GDPD4: variants seen among roughly 807,000 people sequenced by gnomAD.
GDPD4 encodes the protein glycerophosphodiester phosphodiesterase 6.
A neutral mutation model predicts 67.8 loss-of-function variants in GDPD4; 60 were observed. That is an observed-to-expected ratio of 0.88 (90% CI 0.72 to 1.10). The LOEUF (loss-of-function observed/expected upper bound fraction) is 1.10. Ranked by LOEUF, GDPD4 falls within the 50% of genes least tolerant of loss-of-function variation. The pLI is 0.00. For missense variants in GDPD4, 623 were observed against 613.9 expected (o/e 1.01, Z -0.16); for synonymous variants, 212 against 210.9 (o/e 1.00, Z -0.04).
At chr11:77,217,343 C>T in intron 16 of GDPD4, 29 bp from the exon 17 acceptor site, 2 of 1,556,412 alleles carry the variant, frequency 1.3e-6, no homozygotes, top group Non-Finnish European at 1.8e-6. Context: ...ACAGATTCCT[C>T]AAATGTCACT....
At chr11:77,281,619 T>C (rs1793476) in intron 3 of GDPD4, among the ~76,000 whole-genome samples, 97,627 of 152,048 alleles carry the variant, frequency 0.64, 31,512 homozygotes, top group African/African-American at 0.69. Flanking sequence ...GTAATTTTTC[T>C]CTAGAAGGAT....
chr11:77,236,933 G>C (rs1288991003), intron 13 of GDPD4, among the ~76,000 whole-genome samples: 8 of 152,134 alleles, frequency 5.3e-5, no homozygotes, highest in Non-Finnish European at 1.5e-5. Context: ...AGGATAACCT[G>C]ATCTTTTGTA....
intron 7 of GDPD4, chr11:77,270,864 T>C: frequency 2.5e-6 from 1 of 405,608 alleles, no homozygotes; most frequent in Non-Finnish European, 4.4e-6. Context: ...CAATGTATAA[T>C]AATGTAGAGA....
chr11:77,241,610 C>G (rs1482704903), intron 13 of GDPD4, among the ~76,000 whole-genome samples: 2 of 133,830 alleles, frequency 1.5e-5, no homozygotes, highest in Non-Finnish European at 3.1e-5. Context: ...TGCCTTTCAG[C>G]CTGGGTGACA....
At chr11:77,226,331 G>A (rs1958337244) in intron 16 of GDPD4, among the ~76,000 whole-genome samples, 1 of 152,036 alleles carries the variant, frequency 6.6e-6, no homozygotes, top group African/African-American at 2.4e-5. Context: ...TTGGAGACAG[G>A]GCACTTCAGG....
chr11:77,292,396 T>C (rs1341395022), intron 1 of GDPD4, among the ~76,000 whole-genome samples: 2 of 152,052 alleles, frequency 1.3e-5, no homozygotes, highest in African/African-American at 4.8e-5. Flanking sequence ...ATTAAAACCT[T>C]TTGAACTGAA....
At chr11:77,254,128 G>A (rs1958958518) in intron 11 of GDPD4, among the ~76,000 whole-genome samples, 1 of 152,230 alleles carries the variant, frequency 6.6e-6, no homozygotes, top group South Asian at 2.1e-4. Flanking sequence ...CCACGGGGCA[G>A]GCACAGCTGG....
intron 1 of GDPD4, among the ~76,000 whole-genome samples, chr11:77,300,297 G>C (rs1464084392): frequency 1.3e-5 from 2 of 152,176 alleles, no homozygotes; most frequent in Admixed American, 1.3e-4. Flanking sequence ...GGCCACGTGT[G>C]TCAGGAATAA....
At chr11:77,234,221 T>A (rs1958508187) in intron 13 of GDPD4, among the ~76,000 whole-genome samples, 1 of 152,184 alleles carries the variant, frequency 6.6e-6, no homozygotes, top group Admixed American at 6.5e-5. Context: ...CAATTAGTTA[T>A]CCAATATGTT....
chr11:77,220,678 T>C (rs2135816725), intron 16 of GDPD4, among the ~76,000 whole-genome samples: 2 of 152,278 alleles, frequency 1.3e-5, no homozygotes, highest in Admixed American at 1.3e-4. Flanking sequence ...TTTTTTGTTG[T>C]GTCTCTGCCA....
chr11:77,216,632 G>T lies in GDPD4; in HGVS notation c.*645C>A. 3 of 423,900 alleles carry T rather than the reference G, an allele frequency of 7.1e-6. No individual in the cohort carries two copies. The highest frequency in any genetic ancestry group is 1.3e-5 in the Non-Finnish European group (3 of 233,670). 26.3% of individuals were successfully genotyped at this position (423,900 alleles called of 1,614,324 possible). On this transcript the variant is annotated 3_prime_UTR_variant, in exon 17 of 17. Coordinates refer to ENST00000315938, the MANE Select transcript of GDPD4 (RefSeq NM_182833.3). ...AAATATTATGGAGGTGTTAGGATGA[G>T]ATAAACCTGACAGCAACCAGTTCCA...
At chr11:77,300,225 T>G (rs867811032) in intron 1 of GDPD4, among the ~76,000 whole-genome samples, 1 of 151,902 alleles carries the variant, frequency 6.6e-6, no homozygotes, top group African/African-American at 2.4e-5. Flanking sequence ...AATTAGCCAA[T>G]TGGAATTAGT....
rs34252021 is a variant in GDPD4 at position 77,248,051 on chromosome 11, C to CAA, written c.865-2551_865-2550dup. ...GGACAACAAGAGTGAAACTCCGTCT[C>CAA]AAAAAAAAAAAAAAAAAAAAGAAAA... is the stretch of plus-strand genomic sequence containing the variant. On this transcript the variant is annotated intron_variant, in intron 11 of 16. Coordinates refer to ENST00000315938, the MANE Select transcript of GDPD4 (RefSeq NM_182833.3). 7.0e-3 allele frequency among the ~76,000 whole-genome samples: 438 copies of CAA among 62,348 alleles called. 5 individuals carry two copies. The highest frequency in any genetic ancestry group is 0.02 in the Middle Eastern group (2 of 98). 40.9% of individuals were successfully genotyped at this position (62,348 alleles called of 152,430 possible).
intron 5 of GDPD4, among the ~76,000 whole-genome samples, chr11:77,275,825 C>G (rs1959440133): frequency 6.6e-6 from 1 of 152,108 alleles, no homozygotes; most frequent in Non-Finnish European, 1.5e-5. Context: ...TGAGAGTATT[C>G]TTGTGACTGA....
At chr11:77,234,842 T>C (rs559608806) in intron 13 of GDPD4, among the ~76,000 whole-genome samples, 1 of 152,240 alleles carries the variant, frequency 6.6e-6, no homozygotes, top group South Asian at 2.1e-4. Flanking sequence ...GAACAATTTA[T>C]TTTCCTTTGG....
In GDPD4 at chr11:77,216,909, C is replaced by T. The variant is rs777278604; in HGVS notation, c.*368G>A. ...ACATAGGATTATTTGGAGTATTCAG[C>T]CATGGGGATCTCTTAGAGGTCTCTT... is the stretch of plus-strand genomic sequence containing the variant. On this transcript the variant is annotated 3_prime_UTR_variant, in exon 17 of 17. Transcript: ENST00000315938. 2 of 696,440 alleles carry T rather than the reference C, an allele frequency of 2.9e-6. No individual in the cohort carries two copies. Among genetic ancestry groups the T allele is most frequent in the Non-Finnish European group, 2.6e-6 (1 of 381,868 alleles). The allele number at this position is 696,440 out of a possible 1,614,324, so 43.1% of individuals were successfully genotyped here. A position where few individuals can be genotyped will look rare whatever the true frequency, so the allele number is the denominator to read the frequency against.
At chr11:77,238,710 C>T (rs751415356) in intron 13 of GDPD4, among the ~76,000 whole-genome samples, 5 of 151,854 alleles carry the variant, frequency 3.3e-5, no homozygotes, top group East Asian at 3.9e-4. Context: ...CAAAGTCTAC[C>T]GACAAAGAAA....
chr11:77,224,970 G>A (rs986309583), intron 16 of GDPD4, among the ~76,000 whole-genome samples: 1 of 151,120 alleles, frequency 6.6e-6, no homozygotes, highest in Admixed American at 6.6e-5. Flanking sequence ...CAGTCATAAT[G>A]GTTTGTGCCT....
intron 8 of GDPD4, 27 bp downstream of exon 8, chr11:77,269,855 CT>C (rs753780404): frequency 3.1e-6 from 4 of 1,309,058 alleles, no homozygotes; most frequent in Non-Finnish European, 4.3e-6. Flanking sequence ...GCTTTAGTGA[CT>C]TTCAAATCTC....
Sources: allele counts gnomAD v4.1 joint callset (sites outside exome capture counted in the v4.1 genomes callset), GRCh38; gene constraint gnomAD v4.1.1; transcripts MANE v1.5; gene names NCBI Gene and HGNC (gene_info 2026-07-23, HGNC 2026-07-21).